The following TLR1 variants were observed in gnomAD, a reference collection of about 807,000 sequenced individuals.
TLR1 encodes toll-like receptor 1.
TLR1 carries 19 observed loss-of-function variants against 20.2 expected under a neutral mutation model. The ratio of observed to expected loss-of-function variants is 0.94; its 90% confidence interval spans 0.66 to 1.38. The LOEUF is 1.38. Among genes scored for constraint, TLR1 ranks in the 40% most tolerant of loss-of-function variants. The probability of loss-of-function intolerance (pLI) is 0.00; values close to 1 mark genes in which losing one functional copy is unlikely to be tolerated. For missense variants in TLR1, 921 were observed against 910.0 expected (o/e 1.01, Z -0.16); for synonymous variants, 320 against 334.5 (o/e 0.96, Z 0.47).
downstream of TLR1, among the ~76,000 whole-genome samples, chr4:38,793,853 G>A (rs1725865193): frequency 6.6e-6 from 1 of 151,712 alleles, no homozygotes; most frequent in Non-Finnish European, 1.5e-5. Flanking sequence ...CATTAGAGTG[G>A]GCCCTAATCC....
downstream of TLR1, among the ~76,000 whole-genome samples, chr4:38,793,291 C>T (rs548819218): frequency 2.6e-5 from 4 of 152,244 alleles, no homozygotes; most frequent in South Asian, 8.3e-4. Context: ...ACTTGGAAAT[C>T]TAAAGGTCTT....
downstream of TLR1, among the ~76,000 whole-genome samples, chr4:38,789,185 C>A (rs1198991185): frequency 6.6e-6 from 1 of 152,192 alleles, no homozygotes; most frequent in African/African-American, 2.4e-5. Context: ...CTGCACTTTT[C>A]TTTCCAACTC....
In TLR1 at chr4:38,796,812, C is replaced by T. The variant is rs137853175; in HGVS notation, c.2020G>A (p.Val674Ile). The change falls in exon 4 of 4, where the codon GTT becomes ATT. Residue 674 changes from valine (V) to isoleucine (I), a missense_variant. Val to Ile is a conservative substitution (Grantham distance 29, BLOSUM62 3). Transcript: ENST00000308979. ...TTTTCCACAATGCTCTTGCCAGGAACAAAGTTTCTCTCATGAAGGCAAATC... is the reference window on the plus strand; with the variant it reads ...TTTTCCACAATGCTCTTGCCAGGAATAAAGTTTCTCTCATGAAGGCAAATC... ...MQICLHERNF[V>I]PGKSIVENII... The T allele has an allele frequency of 4.8e-5, 77 of 1,614,254 alleles. No homozygotes were observed. In the African/African-American group the frequency reaches 9.5e-4, roughly 20 times the overall value.
chr4:38,795,338 A>G (rs932209174), downstream of TLR1, among the ~76,000 whole-genome samples: 2 of 152,288 alleles, frequency 1.3e-5, no homozygotes, highest in South Asian at 4.1e-4. Flanking sequence ...ACCTGCCCAG[A>G]GCTGGCTGCT....
chr4:38,792,855 A>T (rs543312547), downstream of TLR1, among the ~76,000 whole-genome samples: 609 of 117,158 alleles, frequency 5.2e-3, 12 homozygotes, highest in African/African-American at 0.028. Flanking sequence ...TTTTCAAATT[A>T]TATATATATA....
At chr4:38,803,691 C>T (rs1726830923) in intron 2 of TLR1, among the ~76,000 whole-genome samples, 1 of 152,154 alleles carries the variant, frequency 6.6e-6, no homozygotes, top group Non-Finnish European at 1.5e-5. Flanking sequence ...GTTTCCTAGA[C>T]CAAAGAATTT....
At position 38,798,724 on chromosome 4, in the gene TLR1, GA is replaced by G; in HGVS notation, c.107del (p.Leu36ProfsTer15). 6.2e-7 allele frequency: 1 copy of G among 1,613,560 alleles called. No individual in the cohort carries two copies. The highest frequency in any genetic ancestry group is 8.5e-7 in the Non-Finnish European group (1 of 1,179,922). On this transcript the variant is annotated frameshift_variant, in exon 4 of 4. Coordinates refer to ENST00000308979, the MANE Select transcript of TLR1 (RefSeq NM_003263.4). LOFTEE classifies it low-confidence loss of function (END_TRUNC). ...GGGATAGGTCTTTAGGAACGTGGATGAGACCGTTTTTTGACCTATCAACTAA... is the reference window on the plus strand; with the variant it reads ...GGGATAGGTCTTTAGGAACGTGGATGGACCGTTTTTTGACCTATCAACTAA... The part of the protein sequence containing the change: ...EFLVDRSKNG[L>X]IHVPKDLSQK...
In TLR1 at chr4:38,796,551, C is replaced by A; in HGVS notation, c.2281G>T (p.Glu761Ter). The A allele has an allele frequency of 6.2e-7, 1 of 1,614,200 alleles. No individual in the cohort carries two copies. Among genetic ancestry groups the A allele is most frequent in the Admixed American group, 1.7e-5 (1 of 60,016 alleles). Residue 761 changes from glutamate to a stop codon, truncating the protein, a stop_gained, in exon 4 of 4, where the codon GAA becomes TAA. Coordinates refer to ENST00000308979, the MANE Select transcript of TLR1 (RefSeq NM_003263.4). LOFTEE classifies it high-confidence loss of function. ...CAAAAAAGGCCACGTTTGCTCTTTT[C>A]CTTGGGCCATTCCAAATAAGTCCTC... ...ARRTYLEWPK[E>*]KSKRGLFWAN... is the part of the protein sequence containing the mutation.
intron 2 of TLR1, among the ~76,000 whole-genome samples, chr4:38,803,326 G>A (rs5743575): frequency 0.013 from 2,029 of 152,104 alleles, 47 homozygotes; most frequent in African/African-American, 0.046. Flanking sequence ...AACTTGCCTC[G>A]GTCTCTCACT....
At chr4:38,790,607 T>A (rs1725692772), downstream of TLR1, 1 of 152,132 alleles carries the variant, frequency 6.6e-6, no homozygotes, top group African/African-American at 2.4e-5. Flanking sequence ...TTTAGGAGAT[T>A]CATGTCCTTC....
At chr4:38,799,872 T>G (rs1726513936) in intron 3 of TLR1, among the ~76,000 whole-genome samples, 1 of 152,208 alleles carries the variant, frequency 6.6e-6, no homozygotes, top group Admixed American at 6.5e-5. Context: ...ACTGGCCATG[T>G]TTTAAGAACT....
At chr4:38,789,871 T>C (rs557001212), downstream of TLR1, among the ~76,000 whole-genome samples, 24 of 152,342 alleles carry the variant, frequency 1.6e-4, no homozygotes, top group African/African-American at 5.8e-4. Context: ...ATCTATGTAA[T>C]GTTGGGCCTC....
rs753983618 is a variant in TLR1 at position 38,797,321 on chromosome 4, T to C, written c.1511A>G (p.His504Arg). ...VLIIDHNSVS[H>R]PSADFFQSCQ... is the part of the protein sequence containing the mutation. ...GCTCTGGAAGAAATCAGCCGATGGG[T>C]GGGAAACTGAATTGTGATCAATGAT... Residue 504 changes from histidine (H) to arginine (R), a missense_variant, in exon 4 of 4, where the codon CAC becomes CGC. Transcript: ENST00000308979. The C allele has an allele frequency of 1.9e-6, 3 of 1,614,006 alleles. No individual in the cohort carries two copies. Among genetic ancestry groups the C allele is most frequent in the Non-Finnish European group, 2.5e-6 (3 of 1,180,004 alleles).
downstream of TLR1, among the ~76,000 whole-genome samples, chr4:38,795,436 C>G (rs1725978470): frequency 6.6e-6 from 1 of 152,226 alleles, no homozygotes; most frequent in Non-Finnish European, 1.5e-5. Flanking sequence ...TCTGCTCATG[C>G]TCTACTTTAA....
At chr4:38,799,912 C>A (rs796494227) in intron 3 of TLR1, among the ~76,000 whole-genome samples, 4 of 151,906 alleles carry the variant, frequency 2.6e-5, no homozygotes, top group African/African-American at 9.7e-5. Context: ...AGATAAAGTC[C>A]GAATTCTCAA....
At chr4:38,792,108 G>A (rs1455177574), downstream of TLR1, among the ~76,000 whole-genome samples, 1 of 152,180 alleles carries the variant, frequency 6.6e-6, no homozygotes, top group African/African-American at 2.4e-5. Flanking sequence ...AAGGAGGCTA[G>A]GAAGGGTGAA....
chr4:38,788,023 G>A (rs1426283875), downstream of TLR1, among the ~76,000 whole-genome samples: 5 of 152,084 alleles, frequency 3.3e-5, no homozygotes, highest in Non-Finnish European at 5.9e-5. Context: ...TAGAACCCAC[G>A]TCCTCAGAAA....
rs758394460 is a variant in TLR1, at chr4:38,797,800, T to C, written c.1032A>G (p.Pro344=). Residue 344 remains proline, a synonymous_variant, in exon 4 of 4, where the codon CCA becomes CCG. Transcript: ENST00000308979. The part of the protein sequence containing the change: ...SGTRMVHMLC[P]SKISPFLHLD... Reference sequence around the variant, plus strand: ...AATGCAGGAACGGGCTAATTTTGGATGGGCAAAGCATGTGGACCATGCGTG... The same window carrying C: ...AATGCAGGAACGGGCTAATTTTGGACGGGCAAAGCATGTGGACCATGCGTG... 5.6e-5 allele frequency: 90 copies of C among 1,613,996 alleles called. No homozygotes were observed. The highest frequency in any genetic ancestry group is 7.5e-5 in the Non-Finnish European group (89 of 1,179,946).
chr4:38,802,838 C>T (rs1726763089), intron 2 of TLR1, among the ~76,000 whole-genome samples: 1 of 152,196 alleles, frequency 6.6e-6, no homozygotes, highest in African/African-American at 2.4e-5. Flanking sequence ...CATAGAGAAG[C>T]TTACCATAGC....
Sources: gnomAD v4.1 joint callset for allele counts (sites outside exome capture counted in the v4.1 genomes callset) on GRCh38, gnomAD v4.1.1 for gene constraint, MANE v1.5 for transcripts, NCBI Gene and HGNC (gene_info 2026-07-23, HGNC 2026-07-21) for gene names.